The following OPRM1 variants were observed in gnomAD, a reference collection of about 807,000 sequenced individuals.
The protein encoded by OPRM1 is opioid receptor mu 1.
OPRM1 carries 27 observed loss-of-function variants against 31.8 expected under a neutral mutation model. The ratio of observed to expected loss-of-function variants is 0.85; its 90% CI spans 0.63 to 1.17. The LOEUF is 1.17. Among genes scored for constraint, OPRM1 ranks in the 50% most tolerant of loss-of-function variants. OPRM1 has a pLI of 0.00. For synonymous variants in OPRM1, 196 were observed against 189.9 expected, an observed-to-expected ratio of 1.03 and a Z score of -0.26; for missense variants, 536 against 511.1, an observed-to-expected ratio of 1.05 and a Z score of -0.47.
At chr6:154,015,133 A>G (rs547808144) in intron 1 of OPRM1, among the ~76,000 whole-genome samples, 2 of 152,180 alleles carry the variant, frequency 1.3e-5, no homozygotes, top group Non-Finnish European at 2.9e-5. Flanking sequence ...TTAATACAAC[A>G]CCATTGAAAA....
At chr6:154,102,948 C>T (rs1186926538) in intron 3 of OPRM1, among the ~76,000 whole-genome samples, 1 of 146,664 alleles carries the variant, frequency 6.8e-6, no homozygotes, top group Non-Finnish European at 1.5e-5. Context: ...ACTCCATACT[C>T]ATGGAAGACA....
At chr6:154,052,531 G>A (rs996666547) in intron 1 of OPRM1, among the ~76,000 whole-genome samples, 5 of 152,174 alleles carry the variant, frequency 3.3e-5, no homozygotes, top group Non-Finnish European at 4.4e-5. Flanking sequence ...ATTTTCACAT[G>A]CCTCAAAACA....
intron 1 of OPRM1, among the ~76,000 whole-genome samples, chr6:154,052,720 ATCT>A (rs1017650847): frequency 1.5e-4 from 23 of 152,230 alleles, no homozygotes; most frequent in African/African-American, 5.5e-4. Context: ...GGAACACATC[ATCT>A]TCTTTAGAAA....
At chr6:154,107,788 C>T (rs375186402) in intron 3 of OPRM1, 21 of 718,194 alleles carry the variant, frequency 2.9e-5, no homozygotes, top group African/African-American at 1.7e-4. Context: ...CTTGCCGGGT[C>T]GTCTTGAAAA....
chr6:154,027,124 A>G (rs184665443), intron 1 of OPRM1, among the ~76,000 whole-genome samples: 6 of 152,296 alleles, frequency 3.9e-5, no homozygotes, highest in Admixed American at 3.3e-4. Context: ...CAGATATTCA[A>G]AATAACTTGG....
At chr6:154,164,299 C>A (rs1251027474) in intron 3 of OPRM1, among the ~76,000 whole-genome samples, 4 of 152,180 alleles carry the variant, frequency 2.6e-5, no homozygotes, top group African/African-American at 9.7e-5. Context: ...TAAGCTGACA[C>A]TTCTCATATG....
Position 154,091,140 on chromosome 6 carries a change from C to T in OPRM1, c.832C>T (p.Arg278Ter), listed in dbSNP as rs117860990. 1.6e-5 allele frequency: 26 copies of T among 1,614,144 alleles called. No homozygotes were observed. Among genetic ancestry groups the T allele is most frequent in the East Asian group, 2.2e-5 (1 of 44,884 alleles). The change falls in exon 3 of 4, where the codon CGA (arginine) becomes TGA (stop). Residue 278 changes from arginine (R) to a stop codon, truncating the protein, a stop_gained. Transcript: ENST00000330432. LOFTEE classifies it high-confidence loss of function. ...SGSKEKDRNLRRITRMVLVVV... is the reference protein window; with the variant it reads ...SGSKEKDRNL ...CTCCAAAGAAAAGGACAGGAATCTT[C>T]GAAGGATCACCAGGATGGTGCTGGT... is the stretch of plus-strand genomic sequence containing the variant.
intron 3 of OPRM1, among the ~76,000 whole-genome samples, chr6:154,233,115 T>C (rs9384193): frequency 0.43 from 65,711 of 151,774 alleles, 15,093 homozygotes; most frequent in East Asian, 0.73. Flanking sequence ...GTTACAGGCA[T>C]GTGCCGCCAC....
chr6:154,224,151 T>C (rs1779073860), intron 3 of OPRM1, among the ~76,000 whole-genome samples: 1 of 152,214 alleles, frequency 6.6e-6, no homozygotes, highest in South Asian at 2.1e-4. Context: ...AATGAGTCTG[T>C]GGTTATTGGG....
chr6:154,040,048 A>C (rs1779733985), intron 1 of OPRM1, among the ~76,000 whole-genome samples: 1 of 152,096 alleles, frequency 6.6e-6, no homozygotes, highest in Admixed American at 6.5e-5. Context: ...AGAATTCAAA[A>C]TTTCAGGAGC....
intron 3 of OPRM1, among the ~76,000 whole-genome samples, chr6:154,102,426 G>A (rs368432223): frequency 5.7e-4 from 86 of 152,170 alleles, no homozygotes; most frequent in African/African-American, 1.9e-3. Flanking sequence ...CAAGCCATCC[G>A]GTGAGGCTTT....
intron 3 of OPRM1, chr6:154,158,139 G>A (rs1230787037): frequency 6.6e-6 from 1 of 152,140 alleles, no homozygotes; most frequent in African/African-American, 2.4e-5. Flanking sequence ...TAAAGCTTGG[G>A]GAACTATTCA....
chr6:154,082,752 A>G (rs1177712283), intron 1 of OPRM1, among the ~76,000 whole-genome samples: 3 of 152,238 alleles, frequency 2.0e-5, no homozygotes, highest in Non-Finnish European at 4.4e-5. Context: ...GAATAAAAGC[A>G]AAGCAGTATT....
chr6:154,019,440 T>C (rs1414466570), intron 1 of OPRM1, among the ~76,000 whole-genome samples: 1 of 152,180 alleles, frequency 6.6e-6, no homozygotes, highest in African/African-American at 2.4e-5. Context: ...AGTTCACTTT[T>C]GGTGTTGTAC....
intron 3 of OPRM1, among the ~76,000 whole-genome samples, chr6:154,166,790 C>T (rs904024601): frequency 2.6e-5 from 4 of 152,108 alleles, no homozygotes; most frequent in African/African-American, 9.7e-5. Flanking sequence ...ACAGTAAAAT[C>T]CCAACACGCT....
At chr6:154,060,228 C>T (rs1287950410) in intron 1 of OPRM1, among the ~76,000 whole-genome samples, 2 of 152,136 alleles carry the variant, frequency 1.3e-5, no homozygotes, top group Non-Finnish European at 1.5e-5. Context: ...TGCATCCCTA[C>T]CCTAGCGACC....
Position 154,118,693 on chromosome 6 carries a change from T to C in OPRM1, c.1175T>C (p.Leu392Pro), listed in dbSNP as rs755267511. The C allele has an allele frequency of 1.2e-6, 2 of 1,613,232 alleles. No homozygotes were observed. The highest frequency in any genetic ancestry group is 1.7e-6 in the Non-Finnish European group (2 of 1,179,564). Residue 392 changes from leucine to proline, a missense_variant, in exon 4 of 4, where the codon CTG (leucine) becomes CCG (proline). Physicochemically the swap from Leu to Pro is moderately conservative, Grantham distance 98 (BLOSUM62 -3). Coordinates refer to ENST00000330432, the MANE Select transcript of OPRM1 (RefSeq NM_000914.5). ...VDRTNHQLEN[L>P]EAETAPLP is the part of the protein sequence containing the mutation. The stretch of plus-strand genomic sequence containing the variant: ...TTTCTCTCCTTTCAGCTAGAAAATC[T>C]GGAAGCAGAAACTGCTCCGTTGCCC...
chr6:154,015,408 A>G (rs941638912), intron 1 of OPRM1, among the ~76,000 whole-genome samples: 6 of 152,246 alleles, frequency 3.9e-5, no homozygotes, highest in African/African-American at 1.2e-4. Flanking sequence ...TCTAAACTGA[A>G]AAGATGAACT....
intron 3 of OPRM1, chr6:154,223,214 C>T: frequency 6.2e-7 from 1 of 1,613,644 alleles, no homozygotes; most frequent in Non-Finnish European, 8.5e-7. Flanking sequence ...TGAAATCAGG[C>T]AGGTTGACAA....
Sources: allele counts gnomAD v4.1 joint callset (sites outside exome capture counted in the v4.1 genomes callset), GRCh38; gene constraint gnomAD v4.1.1; transcripts MANE v1.5; gene names NCBI Gene and HGNC (gene_info 2026-07-23, HGNC 2026-07-21).